ZNF521: variants seen among roughly 807,000 people sequenced by gnomAD.
The protein encoded by ZNF521 is LYST-interacting protein 3.
A neutral mutation model predicts 105.5 loss-of-function variants in ZNF521; 14 were observed. The ratio of observed to expected loss-of-function variants is 0.13; its 90% CI spans 0.09 to 0.21. The LOEUF (loss-of-function observed/expected upper bound fraction) is 0.21. Ranked by LOEUF, ZNF521 falls within the 10% of genes least tolerant of loss-of-function variation. The pLI is 1.00. For synonymous variants in ZNF521, 635 were observed against 606.0 expected (o/e 1.05, Z -0.70); for missense variants, 1,233 against 1,629.7 (o/e 0.76, Z 4.19).
intron 2 of ZNF521, among the ~76,000 whole-genome samples, chr18:25,323,377 T>A (rs7359707): frequency 0.21 from 32,327 of 152,034 alleles, 3,554 homozygotes; most frequent in Non-Finnish European, 0.23. Flanking sequence ...GACTACAATA[T>A]TACTTTTAAT....
At chr18:25,332,019 T>C (rs1913602736) in intron 2 of ZNF521, among the ~76,000 whole-genome samples, 1 of 151,890 alleles carries the variant, frequency 6.6e-6, no homozygotes, top group Non-Finnish European at 1.5e-5. Context: ...GCATTTAATA[T>C]TCCACTAAAC....
chr18:25,345,984 C>T (rs1002493727), intron 2 of ZNF521, among the ~76,000 whole-genome samples: 5 of 152,082 alleles, frequency 3.3e-5, no homozygotes, highest in African/African-American at 1.2e-4. Flanking sequence ...AAAAAAATCT[C>T]TCTCTCTAAT....
intron 3 of ZNF521, among the ~76,000 whole-genome samples, chr18:25,286,178 G>A (rs184403352): frequency 5.3e-5 from 8 of 152,266 alleles, no homozygotes; most frequent in Non-Finnish European, 8.8e-5. Context: ...GGACAGGAGT[G>A]GAATACTGAA....
chr18:25,185,907 T>TAA (rs2035714077), intron 5 of ZNF521, among the ~76,000 whole-genome samples: 2 of 152,194 alleles, frequency 1.3e-5, no homozygotes, highest in Non-Finnish European at 2.9e-5. Context: ...GTGGCTTTGC[T>TAA]AAAAGGAAAA....
intron 3 of ZNF521, among the ~76,000 whole-genome samples, chr18:25,298,562 C>T (rs9947299): frequency 0.16 from 23,741 of 152,106 alleles, 2,195 homozygotes; most frequent in East Asian, 0.28. Context: ...TTTGTTCGCC[C>T]TTAAGAATGT....
chr18:25,343,388 C>T (rs563603007), intron 2 of ZNF521, among the ~76,000 whole-genome samples: 41 of 152,172 alleles, frequency 2.7e-4, no homozygotes, highest in Non-Finnish European at 4.7e-4. Context: ...ACTTACTAAA[C>T]AAAGTGCATT....
intron 7 of ZNF521, among the ~76,000 whole-genome samples, chr18:25,067,406 A>T (rs1481902814): frequency 6.6e-6 from 1 of 152,200 alleles, no homozygotes. Context: ...CCCTTCTAGC[A>T]CTATGTATTT....
chr18:25,188,329 C>T (rs1267362700), intron 5 of ZNF521, among the ~76,000 whole-genome samples: 1 of 152,156 alleles, frequency 6.6e-6, no homozygotes, highest in African/African-American at 2.4e-5. Flanking sequence ...AAGTTCGACA[C>T]CCACTCTCCA....
chr18:25,255,507 T>C (rs1239480072), intron 3 of ZNF521, among the ~76,000 whole-genome samples: 2 of 152,168 alleles, frequency 1.3e-5, no homozygotes, highest in Admixed American at 6.6e-5. Context: ...TATTTTTCTA[T>C]ATATTCTTTC....
chr18:25,237,912 T>C (rs1372354448), intron 3 of ZNF521, among the ~76,000 whole-genome samples: 2 of 152,178 alleles, frequency 1.3e-5, no homozygotes, highest in African/African-American at 4.8e-5. Flanking sequence ...TTCCTAACTT[T>C]TCATGTATAT....
At chr18:25,084,605 G>A (rs1004171241) in intron 7 of ZNF521, among the ~76,000 whole-genome samples, 2 of 152,160 alleles carry the variant, frequency 1.3e-5, no homozygotes, top group East Asian at 1.9e-4. Context: ...GAAGGGCTGG[G>A]TATTAAGATA....
At chr18:25,245,852 A>C (rs1907672504) in intron 3 of ZNF521, among the ~76,000 whole-genome samples, 1 of 152,132 alleles carries the variant, frequency 6.6e-6, no homozygotes, top group East Asian at 1.9e-4. Flanking sequence ...TCTCTACAAA[A>C]AATTTAAAAA....
intron 3 of ZNF521, among the ~76,000 whole-genome samples, chr18:25,304,840 C>T (rs940391603): frequency 1.3e-5 from 2 of 152,172 alleles, no homozygotes; most frequent in Non-Finnish European, 2.9e-5. Context: ...AGGCAACACA[C>T]ATTTTCAGGT....
At chr18:25,074,581 G>A (rs1271800794) in intron 7 of ZNF521, among the ~76,000 whole-genome samples, 1 of 152,104 alleles carries the variant, frequency 6.6e-6, no homozygotes, top group Admixed American at 6.6e-5. Flanking sequence ...AGGAATGGTT[G>A]GGTGCATTTC....
intron 5 of ZNF521, among the ~76,000 whole-genome samples, chr18:25,135,607 A>G (rs1050074142): frequency 6.6e-6 from 1 of 152,214 alleles, no homozygotes; most frequent in African/African-American, 2.4e-5. Context: ...AGGAATACTC[A>G]GCTCCCGTCA....
At chr18:25,346,496 T>C (rs868692533) in intron 2 of ZNF521, among the ~76,000 whole-genome samples, 1 of 152,214 alleles carries the variant, frequency 6.6e-6, no homozygotes, top group Non-Finnish European at 1.5e-5. Context: ...CAGGTTTTCT[T>C]ACTTTCAAAA....
At chr18:25,168,186 G>T (rs1207281250) in intron 5 of ZNF521, among the ~76,000 whole-genome samples, 1 of 152,134 alleles carries the variant, frequency 6.6e-6, no homozygotes, top group Admixed American at 6.5e-5. Flanking sequence ...GCGAGGTGGA[G>T]AATAAAAAGT....
intron 2 of ZNF521, among the ~76,000 whole-genome samples, chr18:25,334,729 C>T (rs117298250): frequency 6.6e-6 from 1 of 152,270 alleles, no homozygotes; most frequent in Non-Finnish European, 1.5e-5. Flanking sequence ...CACAAAAAGG[C>T]AAAGCAGCCG....
intron 5 of ZNF521, among the ~76,000 whole-genome samples, chr18:25,179,121 T>TC (rs2035585380): frequency 5.9e-5 from 1 of 17,004 alleles, no homozygotes; most frequent in Non-Finnish European, 1.0e-4. Flanking sequence ...TATTCCTTTT[T>TC]TTTTTTTTTT....
Sources: gnomAD v4.1 joint callset for allele counts (sites outside exome capture counted in the v4.1 genomes callset) on GRCh38, gnomAD v4.1.1 for gene constraint, MANE v1.5 for transcripts, NCBI Gene and HGNC (gene_info 2026-07-23, HGNC 2026-07-21) for gene names.